Variants in PGAP1 observed in about 807,000 individuals in gnomAD.
PGAP1 encodes post-GPI attachment to proteins inositol deacylase 1, also known as GPI inositol-deacylase.
A neutral mutation model predicts 127.0 loss-of-function variants in PGAP1; 76 were observed. That is an observed-to-expected ratio of 0.60 (90% CI 0.50 to 0.72). The LOEUF (loss-of-function observed/expected upper bound fraction) is 0.72. Ranked by LOEUF, PGAP1 falls within the 30% of genes least tolerant of loss-of-function variation. The pLI is 0.00. For missense variants in PGAP1, 982 were observed against 1,071.3 expected (o/e 0.92, Z 1.16); for synonymous variants, 362 against 366.5 (o/e 0.99, Z 0.14).
In PGAP1 at chr2:196,847,218, T is replaced by A. The variant is rs1432578048; in HGVS notation, c.1953-18A>T. On this transcript the variant is annotated intron_variant, in intron 21 of 26. Transcript: ENST00000354764. ...ATTTATACCTGTGGAGAAAAGAAAA[T>A]ATAAAAGCAAAAAACCCAACAACTG... 6.3e-7 allele frequency: 1 copy of A among 1,575,914 alleles called. No individual in the cohort carries two copies. Among genetic ancestry groups the A allele is most frequent in the Admixed American group, 1.8e-5 (1 of 54,364 alleles).
intron 7 of PGAP1, among the ~76,000 whole-genome samples, chr2:196,895,638 C>G (rs927160289): frequency 6.6e-6 from 1 of 152,142 alleles, no homozygotes; most frequent in Non-Finnish European, 1.5e-5. Context: ...ACAAAATGAT[C>G]TGGACCTTCA....
At chr2:196,853,540 G>C (rs1258316090) in intron 20 of PGAP1, among the ~76,000 whole-genome samples, 2 of 152,076 alleles carry the variant, frequency 1.3e-5, no homozygotes, top group Admixed American at 6.6e-5. Flanking sequence ...TTAAATTCAA[G>C]TACCCATTCA....
chr2:196,895,749 G>A (rs1057383561), intron 7 of PGAP1, among the ~76,000 whole-genome samples: 2 of 152,164 alleles, frequency 1.3e-5, no homozygotes, highest in Non-Finnish European at 2.9e-5. Flanking sequence ...GTACACTACA[G>A]GGTAAAGGTG....
intron 5 of PGAP1, among the ~76,000 whole-genome samples, chr2:196,900,538 T>C (rs1210237861): frequency 6.6e-6 from 1 of 152,166 alleles, no homozygotes; most frequent in Non-Finnish European, 1.5e-5. Flanking sequence ...AAAATAAATC[T>C]TAGGTTATAC....
In PGAP1 at chr2:196,842,779, T is replaced by C. The variant is rs776116742; in HGVS notation, c.2572A>G (p.Ile858Val). ...NPDPCKPLAF[I>V]LIPTMAILGN... ...AGAATTGCCATAGTCGGAATAAGGATAAATGCCAAAGGTTTACATGGATCA... is the reference window on the plus strand; with the variant it reads ...AGAATTGCCATAGTCGGAATAAGGACAAATGCCAAAGGTTTACATGGATCA... The change falls in exon 26 of 27, where the codon ATC becomes GTC. Residue 858 changes from isoleucine (I) to valine (V), a missense_variant. Coordinates refer to ENST00000354764, the MANE Select transcript of PGAP1 (RefSeq NM_024989.4). 5.0e-6 allele frequency: 8 copies of C among 1,588,888 alleles called. No homozygotes were observed. Among genetic ancestry groups the C allele is most frequent in the East Asian group, 2.3e-5 (1 of 43,960 alleles).
chr2:196,845,809 T>C (rs1700540567), intron 23 of PGAP1, 73 bp downstream of exon 23: 1 of 1,304,198 alleles, frequency 7.7e-7, no homozygotes, highest in Admixed American at 2.4e-5. Context: ...TTGTTAACAA[T>C]GCCTACGGAA....
chr2:196,875,453 C>G (rs1047398448), intron 14 of PGAP1, among the ~76,000 whole-genome samples: 1 of 152,016 alleles, frequency 6.6e-6, no homozygotes, highest in Non-Finnish European at 1.5e-5. Context: ...ATTTATAACT[C>G]TATATTAAAA....
At chr2:196,917,944 T>C (rs1365045521) in intron 2 of PGAP1, among the ~76,000 whole-genome samples, 4 of 152,170 alleles carry the variant, frequency 2.6e-5, no homozygotes, top group Non-Finnish European at 5.9e-5. Context: ...ATTTTACATT[T>C]CCACCAACAA....
At chr2:196,919,588 T>G (rs1254994422) in intron 2 of PGAP1, among the ~76,000 whole-genome samples, 2 of 152,112 alleles carry the variant, frequency 1.3e-5, no homozygotes, top group Non-Finnish European at 2.9e-5. Context: ...CTTAAATAAC[T>G]CCAAAAGAAG....
intron 13 of PGAP1, among the ~76,000 whole-genome samples, chr2:196,878,823 T>C (rs554802383): frequency 6.6e-6 from 1 of 152,346 alleles, no homozygotes; most frequent in East Asian, 1.9e-4. Flanking sequence ...TTTTCAAATA[T>C]ACTTCATGCT....
At chr2:196,847,455 GTTC>G (rs1247364527) in intron 21 of PGAP1, 34 of 192,188 alleles carry the variant, frequency 1.8e-4, no homozygotes, top group Admixed American at 1.4e-3. Flanking sequence ...AAAGTAATAT[GTTC>G]TTTTTTTTTT....
chr2:196,901,356 G>C (rs1702481590), intron 5 of PGAP1, among the ~76,000 whole-genome samples: 1 of 152,162 alleles, frequency 6.6e-6, no homozygotes, highest in Non-Finnish European at 1.5e-5. Flanking sequence ...TCTATGTATG[G>C]CAAGCATTCA....
At chr2:196,886,533 ACTTT>A (rs1316408353) in intron 10 of PGAP1, among the ~76,000 whole-genome samples, 1 of 152,130 alleles carries the variant, frequency 6.6e-6, no homozygotes. Flanking sequence ...TAATGTCCAT[ACTTT>A]AATTAGATAG....
intron 26 of PGAP1, among the ~76,000 whole-genome samples, chr2:196,842,361 T>C (rs964290555): frequency 6.6e-6 from 1 of 152,110 alleles, no homozygotes; most frequent in Non-Finnish European, 1.5e-5. Context: ...ACTACAAAAG[T>C]AGACTAACAG....
At chr2:196,903,959 A>C (rs1474213108) in intron 4 of PGAP1, among the ~76,000 whole-genome samples, 1 of 152,198 alleles carries the variant, frequency 6.6e-6, no homozygotes, top group African/African-American at 2.4e-5. Context: ...TAAAGATCTC[A>C]GCAGTACTTA....
chr2:196,900,704 C>A (rs1390530424), intron 5 of PGAP1, among the ~76,000 whole-genome samples: 1 of 151,950 alleles, frequency 6.6e-6, no homozygotes, highest in East Asian at 1.9e-4. Flanking sequence ...GGCAGGTGAA[C>A]CACGAGGTCA....
In PGAP1 at chr2:196,892,642, C is replaced by T. The variant is rs1702139095; in HGVS notation, c.1034-241G>A. Among the ~76,000 whole-genome samples the T allele has an allele frequency of 2.0e-5, 3 of 151,962 alleles. No homozygotes were observed. The South Asian group carries it at 6.2e-4, about 31-fold the overall frequency. On this transcript the variant is annotated intron_variant, in intron 8 of 26. Coordinates refer to ENST00000354764, the MANE Select transcript of PGAP1 (RefSeq NM_024989.4). ...TCCTTTAACTCTAAGGAATTATCAA[C>T]ATAGGAAATAAATATTTCATTTCCC... is the stretch of plus-strand genomic sequence containing the variant.
chr2:196,919,100 A>G (rs1308301331), intron 2 of PGAP1, among the ~76,000 whole-genome samples: 1 of 152,028 alleles, frequency 6.6e-6, no homozygotes, highest in Non-Finnish European at 1.5e-5. Flanking sequence ...TCTCCTCACA[A>G]TGGCCTTTCC....
rs1325546802 is a variant in PGAP1, at chr2:196,880,116, G to A, written c.1310C>T (p.Ser437Phe). ...TLRLQDYPSL[S>F]HLVVYVPSVR... ...AGATGGTACATAAACAACAAGATGA[G>A]ACAAAGATGGATAGTCTTGAAGTCT... The change falls in exon 13 of 27, where the codon TCT becomes TTT. Residue 437 changes from serine to phenylalanine, a missense_variant. Coordinates refer to ENST00000354764, the MANE Select transcript of PGAP1 (RefSeq NM_024989.4). The A allele has an allele frequency of 6.3e-7, 1 of 1,593,852 alleles. No individual in the cohort carries two copies.
Sources: allele counts gnomAD v4.1 joint callset (sites outside exome capture counted in the v4.1 genomes callset), GRCh38; gene constraint gnomAD v4.1.1; transcripts MANE v1.5; gene names NCBI Gene and HGNC (gene_info 2026-07-23, HGNC 2026-07-21).